ABCA4: variants seen among roughly 807,000 people sequenced by gnomAD.
The protein encoded by ABCA4 is ATP binding cassette subfamily A member 4, also known as retinal-specific phospholipid-transporting ATPase ABCA4.
A neutral mutation model predicts 263.7 loss-of-function variants in ABCA4; 196 were observed. That is an observed-to-expected ratio of 0.74 (90% CI 0.66 to 0.84). ABCA4 has a LOEUF of 0.84. Ranked by LOEUF, ABCA4 falls within the 40% of genes least tolerant of loss-of-function variation. The probability of loss-of-function intolerance (pLI) is 0.00; values close to 1 mark genes in which losing one functional copy is unlikely to be tolerated. For missense variants in ABCA4, 2,792 were observed against 2,855.1 expected (o/e 0.98, Z 0.50); for synonymous variants, 1,133 against 1,094.2 (o/e 1.04, Z -0.70).
intron 26 of ABCA4, among the ~76,000 whole-genome samples, chr1:94,036,416 G>A (rs116149341): frequency 0.02 from 2,950 of 147,470 alleles, 32 homozygotes; most frequent in Middle Eastern, 0.034. Flanking sequence ...TGCTCTTGTC[G>A]CTCAGGCTGC....
intron 11 of ABCA4, among the ~76,000 whole-genome samples, chr1:94,065,820 C>T (rs146478949): frequency 1.3e-5 from 2 of 152,112 alleles, no homozygotes; most frequent in African/African-American, 2.4e-5. Flanking sequence ...TTCTTTGGGC[C>T]CAGGCTTCAG....
chr1:94,018,443 CT>C (rs1659796952), intron 36 of ABCA4: 1 of 399,058 alleles, frequency 2.5e-6, no homozygotes, highest in Non-Finnish European at 5.0e-6. Flanking sequence ...TGAGTGTTTC[CT>C]CGTGTAGACA....
intron 31 of ABCA4, 140 bp from the exon 32 acceptor site, chr1:94,023,558 G>A (rs182496248): frequency 1.2e-5 from 9 of 751,722 alleles, no homozygotes; most frequent in East Asian, 8.1e-5. Context: ...CAAGCAATGC[G>A]GAAGCCGCCC....
In ABCA4 at chr1:94,062,790, C is replaced by T. The variant is rs61754021; in HGVS notation, c.1761-37G>A. On this transcript the variant is annotated intron_variant, in intron 12 of 49. Transcript: ENST00000370225. The stretch of plus-strand genomic sequence containing the variant: ...CAGAGGGACAAAGGATGGGAACGGG[C>T]TTGGATAGCTCACTCACACCTCCCG... 1,424 of 1,605,932 alleles carry T rather than the reference C, an allele frequency of 8.9e-4. 14 individuals carry two copies. The African/African-American group carries it at 0.017, about 19-fold the overall frequency.
intron 13 of ABCA4, among the ~76,000 whole-genome samples, chr1:94,062,306 C>T (rs1661149011): frequency 6.6e-6 from 1 of 152,190 alleles, no homozygotes; most frequent in Non-Finnish European, 1.5e-5. Flanking sequence ...CCCCCAGCCT[C>T]ACTTTCCTTG....
At chr1:94,063,675 C>T (rs531975024) in intron 11 of ABCA4, among the ~76,000 whole-genome samples, 1 of 152,294 alleles carries the variant, frequency 6.6e-6, no homozygotes, top group South Asian at 2.1e-4. Flanking sequence ...GTCACACTGG[C>T]TACAGCCTGC....
rs1174706469 is a variant in ABCA4 at position 94,008,287 on chromosome 1, C to T, written c.5846G>A (p.Gly1949Asp). ...RLHELTKIYP[G>D]TSSPAVDRLC... is the part of the protein sequence containing the mutation. ...CCTGTCCACTGCTGGGCTGGAGGTG[C>T]CTGGATAAATCTGCAAGATACGAAG... Residue 1949 changes from glycine to aspartate, a missense_variant, in exon 42 of 50, where the codon GGC (glycine) becomes GAC (aspartate). Coordinates refer to ENST00000370225, the MANE Select transcript of ABCA4 (RefSeq NM_000350.3). 1.2e-6 allele frequency: 2 copies of T among 1,613,906 alleles called. No individual in the cohort carries two copies. The highest frequency in any genetic ancestry group is 2.7e-5 in the African/African-American group (2 of 74,876).
In ABCA4 at chr1:94,062,659, T is replaced by A. The variant is rs1231688819; in HGVS notation, c.1855A>T (p.Ile619Phe). ...AYLQDMVEQG[I>F]TRSQVQAEAP... ...TCCGCCTGCACCTGGCTCCTTGTGA[T>A]CCCCTGTTCAACCATGTCCTGCAGA... is the stretch of plus-strand genomic sequence containing the variant. The change falls in exon 13 of 50, where the codon ATC (isoleucine) becomes TTC (phenylalanine). Residue 619 changes from isoleucine to phenylalanine, a missense_variant. Physicochemically the swap from Ile to Phe is conservative, Grantham distance 21. Transcript: ENST00000370225. The A allele has an allele frequency of 1.2e-6, 2 of 1,614,108 alleles. No individual in the cohort carries two copies. The highest frequency in any genetic ancestry group is 2.2e-5 in the South Asian group (2 of 91,076).
At chr1:94,046,010 T>G (rs1298432761) in intron 19 of ABCA4, 1 of 451,836 alleles carries the variant, frequency 2.2e-6, no homozygotes, top group South Asian at 1.6e-5. Context: ...TGCCCTGACC[T>G]TCTGTTACCA....
intron 40 of ABCA4, among the ~76,000 whole-genome samples, chr1:94,010,348 G>A (rs368619184): frequency 1.8e-4 from 28 of 152,248 alleles, no homozygotes; most frequent in African/African-American, 6.5e-4. Context: ...GTGGGGGGTC[G>A]TGATCACTGC....
intron 47 of ABCA4, among the ~76,000 whole-genome samples, chr1:93,998,672 G>A (rs1293146732): frequency 2.0e-5 from 3 of 150,786 alleles, no homozygotes; most frequent in East Asian, 2.0e-4. Context: ...TGGGATAATC[G>A]TACTTGCTGA....
intron 30 of ABCA4, among the ~76,000 whole-genome samples, chr1:94,028,930 A>AAAAAAAT (rs35998587): frequency 9.3e-6 from 1 of 108,032 alleles, no homozygotes; most frequent in East Asian, 2.4e-4. Flanking sequence ...AAAAAAAAAA[A>AAAAAAAT]GAAATTCAAA....
At position 94,051,310 on chromosome 1, in the gene ABCA4, A is replaced by G. The variant is rs563973376; in HGVS notation, c.2653+323T>C. Among the ~76,000 whole-genome samples the G allele has an allele frequency of 5.1e-4, 78 of 152,358 alleles. 1 individual carries two copies. The highest frequency in any genetic ancestry group is 1.9e-3 in the African/African-American group (77 of 41,600). ...ATGATTCCCTGGATTTCTGCTTTATACTGAAAAGCTGCAAAAGTTCTTTGA... is the reference window on the plus strand; with the variant it reads ...ATGATTCCCTGGATTTCTGCTTTATGCTGAAAAGCTGCAAAAGTTCTTTGA... On this transcript the variant is annotated intron_variant, in intron 17 of 49. Transcript: ENST00000370225.
chr1:94,119,673 G>C (rs1206658306), intron 1 of ABCA4, among the ~76,000 whole-genome samples: 1 of 152,030 alleles, frequency 6.6e-6, no homozygotes, highest in Non-Finnish European at 1.5e-5. Flanking sequence ...TCAGCCCTAG[G>C]GGTGGGAGCT....
At position 94,098,866 on chromosome 1, in the gene ABCA4, G is replaced by C. The variant is rs752314172; in HGVS notation, c.696C>G (p.Leu232=). 3.1e-6 allele frequency: 5 copies of C among 1,614,068 alleles called. No individual in the cohort carries two copies. In the South Asian group the frequency reaches 4.4e-5, roughly 14 times the overall value. The part of the protein sequence containing the change: ...AKTVRYALCS[L]SQGTLQWIED... Reference sequence around the variant, plus strand: ...CTATCCACTGTAGGGTGCCCTGGGAGAGGGAGCACAGGGCATAGCGCACCG... The same window carrying C: ...CTATCCACTGTAGGGTGCCCTGGGACAGGGAGCACAGGGCATAGCGCACCG... Residue 232 remains leucine, a synonymous_variant, in exon 6 of 50, where the codon CTC becomes CTG. Coordinates refer to ENST00000370225, the MANE Select transcript of ABCA4 (RefSeq NM_000350.3).
chr1:94,007,581 T>C, intron 43 of ABCA4, 53 bp downstream of exon 43: 1 of 1,465,830 alleles, frequency 6.8e-7, no homozygotes, highest in Non-Finnish European at 9.6e-7. Flanking sequence ...CTTCCTATTC[T>C]TCTCACAGGA....
rs144296356 is a variant in ABCA4 at position 94,052,905 on chromosome 1, T to C, written c.2588-1207A>G. On this transcript the variant is annotated intron_variant, in intron 16 of 49. Transcript: ENST00000370225. ...TCTGAGTTTATGCTAATGATGTGACTCAGGGTAGAGCCCCAAGATAGCTGC... is the reference window on the plus strand; with the variant it reads ...TCTGAGTTTATGCTAATGATGTGACCCAGGGTAGAGCCCCAAGATAGCTGC... Among the ~76,000 whole-genome samples the C allele has an allele frequency of 3.9e-5, 6 of 152,314 alleles. No homozygotes were observed. The East Asian group carries it at 1.2e-3, about 29-fold the overall frequency.
rs1553197104 is a variant in ABCA4 at position 94,116,968 on chromosome 1, C to CTCTTTCTTCTTTCTT, written c.67-3903_67-3902insAAGAAAGAAGAAAGA. On this transcript the variant is annotated intron_variant, in intron 1 of 49. Transcript: ENST00000370225. ...CCCTCCCTCCCTCCTTTCTTTCTTT[C>CTCTTTCTTCTTTCTT]TCTTTCTTTCTTTCTTTCTTTCTTT... is the stretch of plus-strand genomic sequence containing the variant. Among the ~76,000 whole-genome samples, 9 of 100,052 alleles carry CTCTTTCTTCTTTCTT rather than the reference C, an allele frequency of 9.0e-5. No individual in the cohort carries two copies. The East Asian group carries it at 2.5e-3, about 28-fold the overall frequency. The allele number at this position is 100,052 out of a possible 152,430, so 65.6% of individuals were successfully genotyped here. A position where few individuals can be genotyped will look rare whatever the true frequency, so the allele number is the denominator to read the frequency against.
chr1:94,117,472 AG>A (rs1036589536), intron 1 of ABCA4, among the ~76,000 whole-genome samples: 2 of 106,366 alleles, frequency 1.9e-5, no homozygotes, highest in Non-Finnish European at 4.3e-5. Context: ...ATGAGTCCTC[AG>A]GCCCCCCCAC....
Sources: gnomAD v4.1 joint callset for allele counts (sites outside exome capture counted in the v4.1 genomes callset) on GRCh38, gnomAD v4.1.1 for gene constraint, MANE v1.5 for transcripts, NCBI Gene and HGNC (gene_info 2026-07-23, HGNC 2026-07-21) for gene names.